KCNQ5: variants seen among roughly 807,000 people sequenced by gnomAD.
KCNQ5 encodes the protein potassium voltage-gated channel subfamily Q member 5, also known as potassium voltage-gated channel subfamily KQT member 5.
Under a neutral mutation model 98.2 loss-of-function variants are expected in KCNQ5, and 30 were observed. The observed-to-expected ratio is 0.31, with a 90% CI of 0.23 to 0.41. The LOEUF is 0.41. Among genes scored for constraint, KCNQ5 ranks in the 10% least tolerant of loss-of-function variants. The pLI is 1.00. For synonymous variants in KCNQ5, 458 were observed against 449.4 expected, an observed-to-expected ratio of 1.02 and a Z score of -0.24; for missense variants, 835 against 1,182.5, an observed-to-expected ratio of 0.71 and a Z score of 4.31.
intron 7 of KCNQ5, among the ~76,000 whole-genome samples, chr6:73,112,732 T>C (rs1022279352): frequency 8.5e-5 from 13 of 152,112 alleles, no homozygotes; most frequent in South Asian, 2.1e-4. Context: ...TTAGTGTTTA[T>C]CTGTGACTGT....
intron 11 of KCNQ5, 134 bp from the exon 12 acceptor site, chr6:73,190,439 A>T (rs1347332911): frequency 4.8e-6 from 2 of 417,956 alleles, no homozygotes; most frequent in Admixed American, 8.5e-5. Flanking sequence ...TATATTACAC[A>T]TCTGCAGAAG....
intron 5 of KCNQ5, among the ~76,000 whole-genome samples, chr6:73,090,550 T>A (rs1169308111): frequency 1.4e-4 from 22 of 152,242 alleles, no homozygotes. Context: ...TCAGGCTCTA[T>A]ATTTAAGTCC....
chr6:72,986,326 G>T (rs1418192501), intron 1 of KCNQ5: 3 of 347,726 alleles, frequency 8.6e-6, no homozygotes, highest in Non-Finnish European at 5.3e-6. Flanking sequence ...AGGCTCTCAT[G>T]TGGAGGTGGG....
rs538648109 is a variant in KCNQ5, at chr6:72,723,093, C to A, written c.398+100506C>A. ...TCAAGCAATCCTCCCTGGGCTCAAG[C>A]AATCCTCCCACCTCAACCTCCCCAA... On this transcript the variant is annotated intron_variant, in intron 1 of 13. Coordinates refer to ENST00000370398, the MANE Select transcript of KCNQ5 (RefSeq NM_019842.4). 9.2e-5 allele frequency among the ~76,000 whole-genome samples: 14 copies of A among 152,172 alleles called. 1 individual carries two copies. Among genetic ancestry groups the A allele is most frequent in the African/African-American group, 3.4e-4 (14 of 41,542 alleles).
At chr6:72,870,602 TA>T (rs568562151) in intron 1 of KCNQ5, among the ~76,000 whole-genome samples, 199 of 151,942 alleles carry the variant, frequency 1.3e-3, no homozygotes, top group African/African-American at 4.8e-3. Flanking sequence ...TAATCTTGGC[TA>T]AAAAAAATAC....
At chr6:72,788,189 T>C (rs1561983880) in intron 1 of KCNQ5, among the ~76,000 whole-genome samples, 1 of 152,098 alleles carries the variant, frequency 6.6e-6, no homozygotes. Context: ...GTATTGTGAG[T>C]ATAGTGAATT....
rs1562156337 is a variant in KCNQ5, at chr6:73,063,725, A to AGATAGATAGAT, written c.617-13596_617-13586dup. On this transcript the variant is annotated intron_variant, in intron 3 of 13. Transcript: ENST00000370398. ...ATAGATAGATAGATAGATAGATGAT[A>AGATAGATAGAT]GATAGATAGATAGATAGATAGATAG... Among the ~76,000 whole-genome samples the AGATAGATAGAT allele has an allele frequency of 3.9e-3, 419 of 106,866 alleles. 2 individuals carry two copies. Among genetic ancestry groups the AGATAGATAGAT allele is most frequent in the Middle Eastern group, 8.4e-3 (2 of 238 alleles). 70.1% of individuals were successfully genotyped at this position (106,866 alleles called of 152,430 possible).
chr6:72,739,349 T>G (rs1004852464), intron 1 of KCNQ5, among the ~76,000 whole-genome samples: 6 of 152,216 alleles, frequency 3.9e-5, no homozygotes, highest in Admixed American at 6.5e-5. Context: ...TCTAACGATA[T>G]GCTATGTCCA....
At chr6:72,832,608 T>C (rs1232327445) in intron 1 of KCNQ5, among the ~76,000 whole-genome samples, 2 of 152,176 alleles carry the variant, frequency 1.3e-5, no homozygotes, top group Non-Finnish European at 2.9e-5. Context: ...GCAAACTGTC[T>C]CCTAAATTTG....
intron 1 of KCNQ5, chr6:72,806,746 T>C: frequency 2.3e-6 from 1 of 442,090 alleles, no homozygotes; most frequent in South Asian, 1.6e-5. Context: ...ACTGCAGTAC[T>C]GAGTTCCCAT....
intron 6 of KCNQ5, among the ~76,000 whole-genome samples, chr6:73,107,972 CA>C (rs200643111): frequency 0.017 from 2,595 of 152,224 alleles, 72 homozygotes; most frequent in African/African-American, 0.058. Context: ...ATCTGCCAAC[CA>C]AAAGAGTTGT....
At position 73,078,239 on chromosome 6, in the gene KCNQ5, T is replaced by C. The variant is rs1225411199; in HGVS notation, c.918+352T>C. 6.6e-5 allele frequency among the ~76,000 whole-genome samples: 10 copies of C among 152,052 alleles called. No homozygotes were observed. In the South Asian group the frequency reaches 1.7e-3, roughly 25 times the overall value. ...CAAATTTAAATGATCAATTGTTGCA[T>C]TGATTTTCCGCTCTTCAAAAGTTTA... On this transcript the variant is annotated intron_variant, in intron 5 of 13. Transcript: ENST00000370398.
chr6:73,017,814 T>C (rs1266780782), intron 2 of KCNQ5, among the ~76,000 whole-genome samples: 1 of 152,048 alleles, frequency 6.6e-6, no homozygotes, highest in African/African-American at 2.4e-5. Flanking sequence ...TGGGAAAACC[T>C]GGAAAGCCCT....
chr6:72,801,978 G>A (rs1383036365), intron 1 of KCNQ5, among the ~76,000 whole-genome samples: 3 of 152,170 alleles, frequency 2.0e-5, no homozygotes, highest in Admixed American at 6.5e-5. Context: ...GGCTTGTAGG[G>A]TTTCTGCCGA....
At chr6:73,034,952 T>A (rs1415519453) in intron 2 of KCNQ5, among the ~76,000 whole-genome samples, 2 of 151,282 alleles carry the variant, frequency 1.3e-5, no homozygotes, top group East Asian at 3.9e-4. Context: ...TTCACGCCAT[T>A]CTCCTGCCTC....
At chr6:72,781,172 G>A (rs868698949) in intron 1 of KCNQ5, among the ~76,000 whole-genome samples, 2 of 152,084 alleles carry the variant, frequency 1.3e-5, no homozygotes, top group African/African-American at 4.8e-5. Flanking sequence ...GTGAGAAGAG[G>A]GGACACACAG....
intron 1 of KCNQ5, among the ~76,000 whole-genome samples, chr6:72,683,757 T>C (rs1448429991): frequency 6.9e-6 from 1 of 144,592 alleles, no homozygotes; most frequent in Non-Finnish European, 1.5e-5. Context: ...TTTGGTGTGG[T>C]AAAAAAAAAA....
intron 10 of KCNQ5, 119 bp from the exon 11 acceptor site, chr6:73,169,627 A>G: frequency 2.8e-6 from 2 of 707,890 alleles, no homozygotes. Context: ...GACCTTATAC[A>G]TATCTTGGTT....
At chr6:72,965,636 C>T (rs1276972015) in intron 1 of KCNQ5, among the ~76,000 whole-genome samples, 1 of 152,156 alleles carries the variant, frequency 6.6e-6, no homozygotes, top group Non-Finnish European at 1.5e-5. Flanking sequence ...CAGCATCAAA[C>T]AATTTAGAGG....
Sources: gnomAD v4.1 joint callset for allele counts (sites outside exome capture counted in the v4.1 genomes callset) on GRCh38, gnomAD v4.1.1 for gene constraint, MANE v1.5 for transcripts, NCBI Gene and HGNC (gene_info 2026-07-23, HGNC 2026-07-21) for gene names.